RANBP2: variants seen among roughly 807,000 people sequenced by gnomAD.
The protein encoded by RANBP2 is E3 SUMO-protein ligase RanBP2.
A neutral mutation model predicts 303.6 loss-of-function variants in RANBP2; 57 were observed. The observed-to-expected ratio is 0.19, with a 90% CI of 0.15 to 0.23. The LOEUF (loss-of-function observed/expected upper bound fraction) is 0.23, where lower values mean the gene tolerates loss of function less well. Among genes scored for constraint, RANBP2 ranks in the 10% least tolerant of loss-of-function variants. RANBP2 has a pLI of 1.00. For missense variants in RANBP2, 3,138 were observed against 3,780.8 expected, an observed-to-expected ratio of 0.83 and a Z score of 4.46; for synonymous variants, 1,167 against 1,301.5, an observed-to-expected ratio of 0.90 and a Z score of 2.23.
the RANBP2 span, among the ~76,000 whole-genome samples, chr2:109,719,565 C>A: frequency 6.6e-6 from 1 of 151,822 alleles, no homozygotes; most frequent in Non-Finnish European, 1.5e-5. Context: ...CGCCACTACA[C>A]CCAGCTTATT....
At chr2:108,777,537 T>A (rs1229260773) in intron 25 of RANBP2, among the ~76,000 whole-genome samples, 1 of 152,164 alleles carries the variant, frequency 6.6e-6, no homozygotes, top group Non-Finnish European at 1.5e-5. Context: ...TACTTTCATA[T>A]GTGATTTGTT....
At chr2:109,625,764 T>C in the RANBP2 span, among the ~76,000 whole-genome samples, 1 of 152,094 alleles carries the variant, frequency 6.6e-6, no homozygotes, top group African/African-American at 2.4e-5. Flanking sequence ...GAAAAGCGAA[T>C]TGCAGACTGA....
the RANBP2 span, among the ~76,000 whole-genome samples, chr2:108,999,460 T>C: frequency 7.2e-3 from 1,098 of 152,340 alleles, 7 homozygotes; most frequent in South Asian, 0.029. Context: ...ATTACCCAGA[T>C]GACTTTCCCA....
the RANBP2 span, chr2:108,895,343 TGTA>T: frequency 6.6e-6 from 1 of 152,618 alleles, no homozygotes; most frequent in South Asian, 2.1e-4. Context: ...TTTGTTTTAA[TGTA>T]GTAATAAACA....
the RANBP2 span, among the ~76,000 whole-genome samples, chr2:109,612,186 G>GA: frequency 8.5e-4 from 123 of 143,960 alleles, no homozygotes; most frequent in Admixed American, 2.8e-3. Context: ...TTGCTGAGTT[G>GA]AAAAAAAAAA....
the RANBP2 span, among the ~76,000 whole-genome samples, chr2:109,722,909 T>A: frequency 1.2e-4 from 18 of 152,320 alleles, 1 homozygote; most frequent in South Asian, 3.5e-3. Flanking sequence ...TTTGCTATTG[T>A]GAATAGTGCT....
chr2:109,693,109 T>G, the RANBP2 span, among the ~76,000 whole-genome samples: 1 of 152,112 alleles, frequency 6.6e-6, no homozygotes, highest in Admixed American at 6.5e-5. Context: ...TGCAGTCTAT[T>G]CTCTCTGAAG....
chr2:109,585,150 C>T, the RANBP2 span: 3 of 1,586,664 alleles, frequency 1.9e-6, no homozygotes, highest in South Asian at 2.3e-5. Flanking sequence ...TATTTGGTCA[C>T]CAAATCCCAC....
At position 108,785,310 on chromosome 2, in the gene RANBP2, A is replaced by G. The variant is rs1223715254; in HGVS notation, c.*1409A>G. The G allele has an allele frequency of 2.0e-5, 3 of 152,372 alleles. No individual in the cohort carries two copies. The highest frequency in any genetic ancestry group is 1.3e-4 in the Admixed American group (2 of 15,302). The allele number at this position is 152,372 out of a possible 1,614,324, so 9.4% of individuals were successfully genotyped here. On this transcript the variant is annotated 3_prime_UTR_variant, in exon 29 of 29. Coordinates refer to ENST00000283195, the MANE Select transcript of RANBP2 (RefSeq NM_006267.5). Reference sequence around the variant, plus strand: ...GAAATAAACCTACTCCAAATGTATCAGTTCAGTCTTGAACCATGGATTACA... The same window carrying G: ...GAAATAAACCTACTCCAAATGTATCGGTTCAGTCTTGAACCATGGATTACA...
At chr2:109,342,728 A>G in the RANBP2 span, among the ~76,000 whole-genome samples, 1 of 152,192 alleles carries the variant, frequency 6.6e-6, no homozygotes, top group Non-Finnish European at 1.5e-5. Context: ...CTGCTGCCAC[A>G]TGCCTGATTC....
At chr2:109,403,425 C>T in the RANBP2 span, among the ~76,000 whole-genome samples, 1 of 152,344 alleles carries the variant, frequency 6.6e-6, no homozygotes, top group Non-Finnish European at 1.5e-5. Flanking sequence ...GATGAGGAAG[C>T]CGAGGCCCCA....
chr2:109,722,998 T>C, the RANBP2 span, among the ~76,000 whole-genome samples: 1 of 152,246 alleles, frequency 6.6e-6, no homozygotes, highest in African/African-American at 2.4e-5. Context: ...ATGGGATTGC[T>C]GGTTCATACG....
chr2:109,133,430 T>C, the RANBP2 span, among the ~76,000 whole-genome samples: 1 of 152,248 alleles, frequency 6.6e-6, no homozygotes, highest in Non-Finnish European at 1.5e-5. Flanking sequence ...TTTTATTTTA[T>C]AAGCATACAC....
At position 108,766,716 on chromosome 2, in the gene RANBP2, C is replaced by G; in HGVS notation, c.6177C>G (p.Asn2059Lys). 1 of 1,611,968 alleles carries G rather than the reference C, an allele frequency of 6.2e-7. No individual in the cohort carries two copies. The highest frequency in any genetic ancestry group is 8.5e-7 in the Non-Finnish European group (1 of 1,179,856). The change falls in exon 20 of 29, where the codon AAC (asparagine) becomes AAG (lysine). Residue 2059 changes from asparagine (N) to lysine (K), a missense_variant. Physicochemically the swap from Asn to Lys is moderately conservative, Grantham distance 94. This residue lies in a region of RANBP2 where 103 missense variants were observed against 214.3 expected (regional missense o/e 0.48). Coordinates refer to ENST00000283195, the MANE Select transcript of RANBP2 (RefSeq NM_006267.5). ...AGTGGAAAGAAAGGGGCTTGGGGAACTTAAAAATTCTCAAAAACGAGGTCA... is the reference window on the plus strand; with the variant it reads ...AGTGGAAAGAAAGGGGCTTGGGGAAGTTAAAAATTCTCAAAAACGAGGTCA... ...VSQWKERGLGNLKILKNEVNG... is the reference protein window; with the variant it reads ...VSQWKERGLGKLKILKNEVNG...
At chr2:109,033,815 G>A in the RANBP2 span, among the ~76,000 whole-genome samples, 3 of 151,850 alleles carry the variant, frequency 2.0e-5, no homozygotes, top group South Asian at 2.1e-4. Context: ...AATGAGCCAG[G>A]TGTGGTGGCG....
In RANBP2 at chr2:108,766,291, A is replaced by G. The variant is rs200643104; in HGVS notation, c.5752A>G (p.Asn1918Asp). The change falls in exon 20 of 29, where the codon AAT (asparagine) becomes GAT (aspartate). Residue 1918 changes from asparagine to aspartate, a missense_variant. This residue lies in a region of RANBP2 where 348 missense variants were observed against 360.4 expected (regional missense o/e 0.97). Transcript: ENST00000283195. ...QEKKSEKPLE[N>D]GTGFQAQDIS... ...AAAGAAAAGTGAAAAGCCTCTTGAAAATGGTACTGGCTTCCAGGCTCAGGA... is the reference window on the plus strand; with the variant it reads ...AAAGAAAAGTGAAAAGCCTCTTGAAGATGGTACTGGCTTCCAGGCTCAGGA... The G allele has an allele frequency of 6.2e-7, 1 of 1,612,172 alleles. No individual in the cohort carries two copies. The highest frequency in any genetic ancestry group is 2.2e-5 in the East Asian group (1 of 44,876).
At chr2:109,068,528 AC>A in the RANBP2 span, among the ~76,000 whole-genome samples, 2 of 152,252 alleles carry the variant, frequency 1.3e-5, no homozygotes, top group African/African-American at 4.8e-5. Flanking sequence ...AGAGACTGGC[AC>A]ATACACAGCA....
At chr2:108,842,226 G>A in the RANBP2 span, among the ~76,000 whole-genome samples, 1 of 150,078 alleles carries the variant, frequency 6.7e-6, no homozygotes, top group Non-Finnish European at 1.5e-5. Flanking sequence ...TTTGATAGAG[G>A]CATTGTCTTG....
chr2:109,582,853 G>C, the RANBP2 span, among the ~76,000 whole-genome samples: 1 of 152,292 alleles, frequency 6.6e-6, no homozygotes, highest in South Asian at 2.1e-4. Flanking sequence ...GAATAGAACA[G>C]AGAACCTAGA....
Sources: gnomAD v4.1 joint callset for allele counts (sites outside exome capture counted in the v4.1 genomes callset) on GRCh38, gnomAD v4.1.1 for gene constraint, gnomAD v4.1.1 regional missense constraint, MANE v1.5 for transcripts, NCBI Gene and HGNC (gene_info 2026-07-23, HGNC 2026-07-21) for gene names.